The following AATK variants were observed in gnomAD, a reference collection of about 807,000 sequenced individuals.
The protein encoded by AATK is lemur tail kinase 1, also known as serine/threonine-protein kinase LMTK1.
AATK carries 91 observed loss-of-function variants against 114.3 expected under a neutral mutation model. That is an observed-to-expected ratio of 0.80 (90% confidence interval 0.67 to 0.95). The LOEUF (loss-of-function observed/expected upper bound fraction) is 0.95. Ranked by LOEUF, AATK falls within the 40% of genes least tolerant of loss-of-function variation. AATK has a pLI of 0.00. For missense variants in AATK, 2,176 were observed against 1,965.2 expected (o/e 1.11, Z -2.03); for synonymous variants, 1,075 against 916.5 (o/e 1.17, Z -3.12).
At position 81,118,318 on chromosome 17, in the gene AATK, C is replaced by T. The variant is rs1030607402; in HGVS notation, c.*84G>A. On this transcript the variant is annotated 3_prime_UTR_variant, in exon 14 of 14. Coordinates refer to ENST00000326724, the MANE Select transcript of AATK (RefSeq NM_001080395.3). ...TGCCAACAGCCACCAGGACGTGGTC[C>T]CCACCTTCTCGGTCACCATCCTCGC... 1.4e-6 allele frequency: 2 copies of T among 1,434,382 alleles called. No homozygotes were observed. Among genetic ancestry groups the T allele is most frequent in the East Asian group, 2.5e-5 (1 of 39,878 alleles). 88.9% of individuals were successfully genotyped at this position (1,434,382 alleles called of 1,614,324 possible).
At chr17:81,124,626 C>A (rs1335495670) in intron 9 of AATK, 101 bp downstream of exon 9, 1 of 1,536,514 alleles carries the variant, frequency 6.5e-7, no homozygotes, top group South Asian at 1.2e-5. Context: ...CAGGTGGCTC[C>A]GGCAGCCCCC....
At chr17:81,135,046 C>T (rs1314397358) in intron 1 of AATK, among the ~76,000 whole-genome samples, 3 of 152,168 alleles carry the variant, frequency 2.0e-5, no homozygotes, top group Non-Finnish European at 2.9e-5. Flanking sequence ...GCAGGGCTCC[C>T]GTGTGCCACC....
At chr17:81,143,636 C>A (rs2061172700) in intron 1 of AATK, among the ~76,000 whole-genome samples, 1 of 152,184 alleles carries the variant, frequency 6.6e-6, no homozygotes, top group Non-Finnish European at 1.5e-5. Flanking sequence ...GGCTTCACAG[C>A]CTCTCTCCTC....
chr17:81,138,300 C>T (rs1157041884), intron 1 of AATK, among the ~76,000 whole-genome samples: 2 of 149,414 alleles, frequency 1.3e-5, no homozygotes, highest in African/African-American at 5.0e-5. Flanking sequence ...CACATGTGCA[C>T]ACATATCCAC....
intron 1 of AATK, among the ~76,000 whole-genome samples, chr17:81,160,618 C>T (rs1037310313): frequency 2.1e-4 from 32 of 152,296 alleles, no homozygotes; most frequent in African/African-American, 7.0e-4. Context: ...AGTCTCCCCA[C>T]CACGGACACG....
At chr17:81,158,091 C>T (rs1453649179) in intron 1 of AATK, among the ~76,000 whole-genome samples, 3 of 152,214 alleles carry the variant, frequency 2.0e-5, no homozygotes, top group Non-Finnish European at 4.4e-5. Flanking sequence ...GGCCGGGCGT[C>T]GCGGATGCAT....
Position 81,118,266 on chromosome 17 carries a change from G to C in AATK, c.*136C>G, listed in dbSNP as rs556632636. The C allele has an allele frequency of 1.4e-5, 12 of 848,740 alleles. No homozygotes were observed. Among genetic ancestry groups the C allele is most frequent in the Non-Finnish European group, 2.0e-5 (11 of 537,754 alleles). The allele number at this position is 848,740 out of a possible 1,614,324, so 52.6% of individuals were successfully genotyped here. On this transcript the variant is annotated 3_prime_UTR_variant, in exon 14 of 14. Transcript: ENST00000326724. ...ATCCCACGGGCTTCTCCAGGACACC[G>C]CGTGGGGCAGAGGCACCTGAATCTG... is the stretch of plus-strand genomic sequence containing the variant.
chr17:81,162,067 C>G (rs902211709), intron 1 of AATK, among the ~76,000 whole-genome samples: 2 of 152,114 alleles, frequency 1.3e-5, no homozygotes, highest in African/African-American at 4.8e-5. Flanking sequence ...AGTGTGGGGC[C>G]TCACACCCAC....
At position 81,166,126 on chromosome 17, in the gene AATK, C is replaced by T; in HGVS notation, c.-134G>A. 1 of 376,900 alleles carries T rather than the reference C, an allele frequency of 2.7e-6. No homozygotes were observed. Among genetic ancestry groups the T allele is most frequent in the Non-Finnish European group, 3.6e-6 (1 of 278,854 alleles). 23.3% of individuals were successfully genotyped at this position (376,900 alleles called of 1,614,324 possible). ...CGCCGGCCCCCGCGCCCCGCGCCCC[C>T]CGCCGCAGCCGCAGAGCCCGCACCG... On this transcript the variant is annotated 5_prime_UTR_variant, in exon 1 of 14. Coordinates refer to ENST00000326724, the MANE Select transcript of AATK (RefSeq NM_001080395.3).
chr17:81,155,534 C>T (rs934351345), intron 1 of AATK, among the ~76,000 whole-genome samples: 4 of 152,004 alleles, frequency 2.6e-5, no homozygotes, highest in Admixed American at 1.3e-4. Flanking sequence ...TACAGATGCC[C>T]GCCACCATGC....
At chr17:81,123,684 G>A (rs1006356246) in intron 9 of AATK, among the ~76,000 whole-genome samples, 4 of 151,594 alleles carry the variant, frequency 2.6e-5, no homozygotes, top group South Asian at 2.1e-4. Flanking sequence ...GAGGGCGGGC[G>A]TGGAGCCCAA....
Position 81,121,605 on chromosome 17 carries a change from C to T in AATK, c.2331G>A (p.Gln777=), listed in dbSNP as rs765873050. 2.0e-6 allele frequency: 3 copies of T among 1,497,650 alleles called. No homozygotes were observed. Among genetic ancestry groups the T allele is most frequent in the East Asian group, 4.7e-5 (2 of 42,842 alleles). 92.8% of individuals were successfully genotyped at this position (1,497,650 alleles called of 1,614,324 possible). The change falls in exon 11 of 14, where the codon CAG becomes CAA. Residue 777 remains glutamine, a synonymous_variant. Coordinates refer to ENST00000326724, the MANE Select transcript of AATK (RefSeq NM_001080395.3). The part of the protein sequence containing the change: ...ETASSGGDHP[Q]AEPKLATEAE... ...CCTCCGTGGCAAGCTTGGGCTCTGC[C>T]TGCGGGTGGTCACCCCCACTACTGG...
chr17:81,166,053 C>G lies in AATK; in HGVS notation c.-61G>C. 8.4e-7 allele frequency: 1 copy of G among 1,193,764 alleles called. No individual in the cohort carries two copies. Among genetic ancestry groups the G allele is most frequent in the Non-Finnish European group, 1.1e-6 (1 of 946,440 alleles). 73.9% of individuals were successfully genotyped at this position (1,193,764 alleles called of 1,614,324 possible). A position where few individuals can be genotyped will look rare whatever the true frequency, so the allele number is the denominator to read the frequency against. On this transcript the variant is annotated 5_prime_UTR_variant, in exon 1 of 14. Coordinates refer to ENST00000326724, the MANE Select transcript of AATK (RefSeq NM_001080395.3). ...CGCTGCGCTCAGGACGCCCGCGGCC[C>G]CGGCCCGAGCCGCCGCATCACCCAG...
chr17:81,134,491 C>A lies in AATK; in HGVS notation c.66G>T (p.Pro22=). ...FSSHFDPDGA[P]LSELSWPSSL... ...AGGATGGCCAGGACAGCTCGCTGAG[C>A]GGGGCGCCGTCTGCGGGAGAGCAGT... is the stretch of plus-strand genomic sequence containing the variant. The change falls in exon 2 of 14, where the codon CCG becomes CCT. Residue 22 remains proline, a synonymous_variant. Coordinates refer to ENST00000326724, the MANE Select transcript of AATK (RefSeq NM_001080395.3). The A allele has an allele frequency of 6.2e-7, 1 of 1,612,228 alleles. No individual in the cohort carries two copies. The highest frequency in any genetic ancestry group is 2.2e-5 in the East Asian group (1 of 44,840).
intron 3 of AATK, 109 bp downstream of exon 3, chr17:81,130,952 G>T: frequency 7.3e-7 from 1 of 1,370,768 alleles, no homozygotes; most frequent in Non-Finnish European, 9.8e-7. Context: ...TCCCAGCCCT[G>T]TGCTGCCCCC....
chr17:81,128,976 A>G (rs1042929685), intron 3 of AATK: 1 of 1,009,966 alleles, frequency 9.9e-7, no homozygotes, highest in Non-Finnish European at 1.2e-6. Context: ...CGCCGGGCGC[A>G]CCAAAGGCTC....
At chr17:81,125,188 AC>A (rs1261015135) in intron 7 of AATK, 174 bp from the exon 8 acceptor site, 1 of 665,464 alleles carries the variant, frequency 1.5e-6, no homozygotes, top group East Asian at 2.7e-5. Context: ...AGACACTGCC[AC>A]CCCCCATCCC....
chr17:81,140,660 GTGGGGCCGTGGGGACCA>G (rs1189979447), intron 1 of AATK, among the ~76,000 whole-genome samples: 12 of 142,966 alleles, frequency 8.4e-5, no homozygotes, highest in Admixed American at 2.0e-4. Flanking sequence ...CCGGGGGACC[GTGGGGCCGTGGGGACCA>G]TGGGGCCGTG....
rs1345008224 is a variant in AATK at position 81,118,328 on chromosome 17, C to T, written c.*74G>A. On this transcript the variant is annotated 3_prime_UTR_variant, in exon 14 of 14. Coordinates refer to ENST00000326724, the MANE Select transcript of AATK (RefSeq NM_001080395.3). Reference sequence around the variant, plus strand: ...CACCAGGACGTGGTCCCCACCTTCTCGGTCACCATCCTCGCTGCTGCCTGG... The same window carrying T: ...CACCAGGACGTGGTCCCCACCTTCTTGGTCACCATCCTCGCTGCTGCCTGG... The T allele has an allele frequency of 3.4e-6, 5 of 1,482,218 alleles. No individual in the cohort carries two copies. Among genetic ancestry groups the T allele is most frequent in the African/African-American group, 1.4e-5 (1 of 71,704 alleles). 91.8% of individuals were successfully genotyped at this position (1,482,218 alleles called of 1,614,324 possible).
Sources: allele counts gnomAD v4.1 joint callset (sites outside exome capture counted in the v4.1 genomes callset), GRCh38; gene constraint gnomAD v4.1.1; transcripts MANE v1.5; gene names NCBI Gene and HGNC (gene_info 2026-07-23, HGNC 2026-07-21).